The following TDP1 variants were observed in gnomAD, a reference collection of about 807,000 sequenced individuals.
TDP1 encodes the protein tyr-DNA phosphodiesterase 1.
A neutral mutation model predicts 81.5 loss-of-function variants in TDP1; 64 were observed. The observed-to-expected ratio is 0.79, with a 90% CI of 0.64 to 0.97. The LOEUF is 0.97. TDP1 is among the 50% of genes least tolerant of loss of function. The pLI is 0.00. For missense variants in TDP1, 723 were observed against 743.8 expected (o/e 0.97, Z 0.33); for synonymous variants, 256 against 264.3 (o/e 0.97, Z 0.30).
Position 89,975,773 on chromosome 14 carries a change from C to A in TDP1, c.757-8C>A, listed in dbSNP as rs1894235473. ...GTTTTTAAATAAATGACTTCTTTTT[C>A]ATCCTAGGCAAAGTTGGATATTGCG... On this transcript the variant is annotated splice_region_variant and splice_polypyrimidine_tract_variant and intron_variant, in intron 6 of 16. Coordinates refer to ENST00000335725, the MANE Select transcript of TDP1 (RefSeq NM_018319.4). 1 of 1,610,268 alleles carries A rather than the reference C, an allele frequency of 6.2e-7. No homozygotes were observed. Among genetic ancestry groups the A allele is most frequent in the African/African-American group, 1.3e-5 (1 of 74,738 alleles).
At chr14:90,042,883 C>G (rs1348387275) in intron 16 of TDP1, 187 bp from the exon 17 acceptor site, 1 of 985,304 alleles carries the variant, frequency 1.0e-6, no homozygotes, top group African/African-American at 1.7e-5. Flanking sequence ...GTTCACTCAC[C>G]TAGTGTCCTA....
Position 90,030,125 on chromosome 14 carries a change from A to G in TDP1, c.1645-2981A>G, listed in dbSNP as rs551026899. 9.2e-5 allele frequency among the ~76,000 whole-genome samples: 14 copies of G among 152,350 alleles called. No homozygotes were observed. In the South Asian group the frequency reaches 2.7e-3, roughly 29 times the overall value. On this transcript the variant is annotated intron_variant, in intron 15 of 16. Transcript: ENST00000335725. ...GCAAGAGATAATTAGGGACTTCCTC[A>G]GATCCAGAGTGTGTCAAAGGTAACA...
intron 14 of TDP1, among the ~76,000 whole-genome samples, chr14:90,013,032 A>G (rs780705280): frequency 6.6e-5 from 10 of 152,200 alleles, no homozygotes; most frequent in Non-Finnish European, 1.2e-4. Context: ...AATTTCTCCC[A>G]TTTAGAATGG....
In TDP1 at chr14:89,993,401, C is replaced by T. The variant is rs766476915; in HGVS notation, c.1459C>T (p.Arg487Cys). The T allele has an allele frequency of 1.3e-5, 21 of 1,613,736 alleles. No individual in the cohort carries two copies. Among genetic ancestry groups the T allele is most frequent in the Middle Eastern group, 3.3e-4 (2 of 6,060 alleles). The change falls in exon 14 of 17, where the codon CGC becomes TGC. Residue 487 changes from arginine to cysteine, a missense_variant. Physicochemically the swap from Arg to Cys is radical, Grantham distance 180 (BLOSUM62 -3). Coordinates refer to ENST00000335725, the MANE Select transcript of TDP1 (RefSeq NM_018319.4). ...FHKWSAETSG[R>C]SNAMPHIKTY... ...CAAATGGTCAGCTGAGACTTCTGGC[C>T]GCAGCAATGCCATGCCACATATTAA...
intron 2 of TDP1, among the ~76,000 whole-genome samples, chr14:89,959,317 G>A (rs1243106822): frequency 1.3e-5 from 2 of 152,218 alleles, no homozygotes; most frequent in East Asian, 3.8e-4. Flanking sequence ...TCTTAAAACT[G>A]TATGACTTGA....
At chr14:90,026,206 A>G (rs1329463704) in intron 15 of TDP1, among the ~76,000 whole-genome samples, 1 of 152,254 alleles carries the variant, frequency 6.6e-6, no homozygotes, top group Non-Finnish European at 1.5e-5. Context: ...ACAGTTTACA[A>G]GAGCCACCAC....
chr14:89,959,592 G>A (rs1397469163), intron 2 of TDP1, among the ~76,000 whole-genome samples: 1 of 152,182 alleles, frequency 6.6e-6, no homozygotes, highest in African/African-American at 2.4e-5. Flanking sequence ...ATATTTTTGA[G>A]TTTCAGCAGG....
intron 15 of TDP1, among the ~76,000 whole-genome samples, chr14:90,026,739 T>G (rs1446051009): frequency 6.6e-6 from 1 of 152,214 alleles, no homozygotes; most frequent in Non-Finnish European, 1.5e-5. Context: ...GATAGTTTGC[T>G]GAGAATGATG....
intron 6 of TDP1, among the ~76,000 whole-genome samples, chr14:89,974,649 C>T (rs1253341589): frequency 2.1e-5 from 3 of 142,984 alleles, no homozygotes; most frequent in African/African-American, 5.5e-5. Flanking sequence ...TGCATGCAGG[C>T]CCCCGTTGCT....
upstream of TDP1, chr14:89,955,334 TGAAA>T (rs1328349982): frequency 6.6e-6 from 1 of 152,184 alleles, no homozygotes; most frequent in Non-Finnish European, 1.5e-5. Context: ...ATGCCTAGTG[TGAAA>T]GAGATTCCAA....
chr14:89,968,332 C>T (rs36109363), intron 5 of TDP1, among the ~76,000 whole-genome samples: 9,137 of 152,244 alleles, frequency 0.06, 602 homozygotes, highest in African/African-American at 0.16. Context: ...GACTTATCCA[C>T]CTACCCTTTC....
intron 15 of TDP1, among the ~76,000 whole-genome samples, chr14:90,031,502 C>T (rs921783742): frequency 2.0e-5 from 3 of 151,878 alleles, no homozygotes; most frequent in African/African-American, 7.3e-5. Flanking sequence ...ACTAAAAATA[C>T]AAAAATCTGC....
intron 14 of TDP1, among the ~76,000 whole-genome samples, chr14:90,015,190 G>A (rs1032336045): frequency 2.0e-5 from 3 of 152,116 alleles, no homozygotes; most frequent in African/African-American, 4.8e-5. Flanking sequence ...CAGCTAATGG[G>A]GAAGCTGAGA....
intron 6 of TDP1, 97 bp from the exon 7 acceptor site, chr14:89,975,682 TAA>T: frequency 9.3e-7 from 1 of 1,071,864 alleles, no homozygotes; most frequent in Non-Finnish European, 1.4e-6. Flanking sequence ...AAAATAGTTT[TAA>T]AAAAAAAAGT....
chr14:89,991,677 A>G (rs1490765172), intron 12 of TDP1: 10 of 982,624 alleles, frequency 1.0e-5, no homozygotes, highest in Non-Finnish European at 1.2e-5. Flanking sequence ...ACTTTTGCTT[A>G]TAAGTCTGGA....
At chr14:89,960,760 G>A (rs1229044276) in intron 2 of TDP1, among the ~76,000 whole-genome samples, 1 of 152,190 alleles carries the variant, frequency 6.6e-6, no homozygotes, top group Admixed American at 6.5e-5. Flanking sequence ...CTTGAAATGT[G>A]TAATTTACAG....
At chr14:90,019,239 C>T in intron 14 of TDP1, 77 bp from the exon 15 acceptor site, 3 of 1,295,562 alleles carry the variant, frequency 2.3e-6, no homozygotes, top group Non-Finnish European at 3.3e-6. Flanking sequence ...TTGACCGGTG[C>T]TCTTGCAGCT....
chr14:90,029,433 A>C (rs1887020144), intron 15 of TDP1, among the ~76,000 whole-genome samples: 1 of 150,830 alleles, frequency 6.6e-6, no homozygotes, highest in Non-Finnish European at 1.5e-5. Flanking sequence ...TCCTGACCTC[A>C]GGTCATCCGC....
intron 12 of TDP1, 52 bp from the exon 13 acceptor site, chr14:89,991,865 G>A: frequency 6.5e-7 from 1 of 1,526,816 alleles, no homozygotes; most frequent in Non-Finnish European, 8.9e-7. Flanking sequence ...CTTAATGAGG[G>A]ATCCTCAAAT....
Sources: gnomAD v4.1 joint callset for allele counts (sites outside exome capture counted in the v4.1 genomes callset) on GRCh38, gnomAD v4.1.1 for gene constraint, MANE v1.5 for transcripts, NCBI Gene and HGNC (gene_info 2026-07-23, HGNC 2026-07-21) for gene names.